DOCK9: variants seen among roughly 807,000 people sequenced by gnomAD.
DOCK9 encodes the protein dedicator of cytokinesis protein 9.
Under a neutral mutation model 263.3 loss-of-function variants are expected in DOCK9, and 89 were observed. The observed-to-expected ratio is 0.34, with a 90% CI of 0.28 to 0.40. The LOEUF (loss-of-function observed/expected upper bound fraction) is 0.40. Among genes scored for constraint, DOCK9 ranks in the 10% least tolerant of loss-of-function variants. DOCK9 has a pLI of 1.00. For synonymous variants in DOCK9, 976 were observed against 973.1 expected (o/e 1.00, Z -0.06); for missense variants, 2,140 against 2,603.4 (o/e 0.82, Z 3.87).
chr13:99,029,439 A>G (rs1234641945), intron 1 of DOCK9, among the ~76,000 whole-genome samples: 1 of 152,192 alleles, frequency 6.6e-6, no homozygotes, highest in African/African-American at 2.4e-5. Flanking sequence ...CTTTATATTT[A>G]ATTATCTCTG....
At chr13:99,045,562 A>G (rs571423715) in intron 1 of DOCK9, among the ~76,000 whole-genome samples, 1 of 152,324 alleles carries the variant, frequency 6.6e-6, no homozygotes, top group Admixed American at 6.5e-5. Context: ...TAGGGGGAAT[A>G]CAGTATAAAC....
chr13:98,979,180 A>ATAGTAG (rs56125832), upstream of DOCK9, among the ~76,000 whole-genome samples: 14,525 of 132,490 alleles, frequency 0.11, 858 homozygotes, highest in East Asian at 0.18. Flanking sequence ...AGCAGCAGCA[A>ATAGTAG]TAGTAGTAGT....
At chr13:99,071,639 G>A (rs1385063863) in intron 1 of DOCK9, among the ~76,000 whole-genome samples, 1 of 152,098 alleles carries the variant, frequency 6.6e-6, no homozygotes, top group Non-Finnish European at 1.5e-5. Context: ...GGTGGAGGGT[G>A]TGGGACAGGA....
At chr13:98,804,754 G>C (rs2090495206) in intron 49 of DOCK9, among the ~76,000 whole-genome samples, 1 of 152,230 alleles carries the variant, frequency 6.6e-6, no homozygotes, top group Non-Finnish European at 1.5e-5. Context: ...ATTCTCAGAA[G>C]GGTAAGTGAC....
At chr13:98,962,379 T>C (rs2058727726) in intron 1 of DOCK9, among the ~76,000 whole-genome samples, 1 of 152,234 alleles carries the variant, frequency 6.6e-6, no homozygotes, top group Non-Finnish European at 1.5e-5. Flanking sequence ...ATTATTTTTC[T>C]TAAAGAAAGC....
intron 1 of DOCK9, among the ~76,000 whole-genome samples, chr13:98,966,794 T>TTA (rs1166815785): frequency 1.3e-5 from 2 of 151,998 alleles, no homozygotes; most frequent in Admixed American, 1.3e-4. Context: ...GTGTTGGGAG[T>TTA]TAGAGTTTAA....
Position 98,829,748 on chromosome 13 carries a change from T to C in DOCK9, c.4644A>G (p.Ile1548Met). The C allele has an allele frequency of 1.2e-6, 2 of 1,604,800 alleles. No homozygotes were observed. The highest frequency in any genetic ancestry group is 1.1e-5 in the South Asian group (1 of 88,864). ...CGTCTGCTATCAGCTGGCTGACAGA[T>C]ATGATGACCTTAGGGACACACAAAC... ...SFVRTHLQVI[I>M]SVSQLIADVV... Residue 1548 changes from isoleucine (I) to methionine (M), a missense_variant, in exon 42 of 53, where the codon ATA (isoleucine) becomes ATG (methionine). Transcript: ENST00000682017. The surrounding 1 kb of genome is among the most constrained non-coding windows in gnomAD (Gnocchi z 4.1).
chr13:98,898,268 G>A lies in DOCK9; in HGVS notation c.1504-7C>T. ...TCAGCACCTTCTGGGCCACCTTGAA[G>A]ACATGAGAATAAAGCTATGAGATAC... On this transcript the variant is annotated splice_polypyrimidine_tract_variant and splice_region_variant and intron_variant, in intron 13 of 52. Transcript: ENST00000682017. 1.2e-6 allele frequency: 2 copies of A among 1,607,450 alleles called. No homozygotes were observed. Among genetic ancestry groups the A allele is most frequent in the South Asian group, 2.2e-5 (2 of 89,818 alleles).
chr13:98,945,007 A>G (rs2140682034), intron 2 of DOCK9, among the ~76,000 whole-genome samples: 1 of 152,358 alleles, frequency 6.6e-6, no homozygotes, highest in South Asian at 2.1e-4. Flanking sequence ...TGGTGAGCTA[A>G]GCAAGATGGT....
In DOCK9 at chr13:98,917,098, T is replaced by C. The variant is rs182149660; in HGVS notation, c.718-1595A>G. Among the ~76,000 whole-genome samples, 258 of 152,274 alleles carry C rather than the reference T, an allele frequency of 1.7e-3. 1 individual carries two copies. Among genetic ancestry groups the C allele is most frequent in the African/African-American group, 6.0e-3 (248 of 41,554 alleles). ...CATCAGCTGCATCTGCAAAGACAAT[T>C]TGAAGGAAGAGACTTCCATTGAAGT... On this transcript the variant is annotated intron_variant, in intron 7 of 52. Coordinates refer to ENST00000682017, the MANE Select transcript of DOCK9 (RefSeq NM_001366683.2).
At chr13:98,959,828 G>A (rs902763687) in intron 1 of DOCK9, among the ~76,000 whole-genome samples, 3 of 152,174 alleles carry the variant, frequency 2.0e-5, no homozygotes, top group African/African-American at 4.8e-5. Flanking sequence ...TCACACCACT[G>A]TATCTACCAA....
chr13:98,958,862 G>A (rs903884866), intron 1 of DOCK9, among the ~76,000 whole-genome samples: 3 of 152,174 alleles, frequency 2.0e-5, no homozygotes, highest in African/African-American at 4.8e-5. Flanking sequence ...TGCTTAAAAT[G>A]TTTGATAATA....
At chr13:98,833,033 A>T (rs750812786) in intron 39 of DOCK9, 10 of 152,120 alleles carry the variant, frequency 6.6e-5, no homozygotes, top group African/African-American at 1.2e-4. Context: ...CAGCTGGCAG[A>T]ACACCTGGAA....
At chr13:98,817,774 TAAAAA>T (rs34195275) in intron 45 of DOCK9, among the ~76,000 whole-genome samples, 2 of 115,396 alleles carry the variant, frequency 1.7e-5, no homozygotes, top group Admixed American at 9.0e-5. Flanking sequence ...TTATATTTGC[TAAAAA>T]AAAAAAAAAA....
chr13:98,864,063 C>A (rs1037635243), intron 30 of DOCK9, among the ~76,000 whole-genome samples: 36 of 152,254 alleles, frequency 2.4e-4, no homozygotes, highest in Admixed American at 3.3e-4. Flanking sequence ...TCCATTAAAA[C>A]CCAGTGGATT....
chr13:99,018,203 C>T (rs1378549907), intron 1 of DOCK9, among the ~76,000 whole-genome samples: 2 of 152,206 alleles, frequency 1.3e-5, no homozygotes. Flanking sequence ...ATGGACAGTG[C>T]TGGGAAGTGG....
At position 98,826,855 on chromosome 13, in the gene DOCK9, T is replaced by C; in HGVS notation, c.4998A>G (p.Leu1666=). 6.2e-7 allele frequency: 1 copy of C among 1,611,098 alleles called. No homozygotes were observed. The highest frequency in any genetic ancestry group is 8.5e-7 in the Non-Finnish European group (1 of 1,178,698). ...CTTTCCGTGTGAGATATTCTGCCACTAGGGCTGTTACGTGGACATAGCACA... is the reference window on the plus strand; with the variant it reads ...CTTTCCGTGTGAGATATTCTGCCACCAGGGCTGTTACGTGGACATAGCACA... ...AAMCYVHVTA[L]VAEYLTRKGV... The change falls in exon 44 of 53, where the codon CTA becomes CTG. Residue 1666 remains leucine (L), a synonymous_variant. Coordinates refer to ENST00000682017, the MANE Select transcript of DOCK9 (RefSeq NM_001366683.2).
rs2094082862 is a variant in DOCK9 at position 98,868,003 on chromosome 13, G to A, written c.3099C>T (p.Phe1033=). ...HSLAVFIKRC[F]TFMDRGFVFK... ...AGACAAAGCCCCTGTCCATGAAGGT[G>A]AAACATCTCTGTGGAGGAAAACAAG... Residue 1033 remains phenylalanine (F), a synonymous_variant, in exon 29 of 53, where the codon TTC becomes TTT. Coordinates refer to ENST00000682017, the MANE Select transcript of DOCK9 (RefSeq NM_001366683.2). 6.2e-7 allele frequency: 1 copy of A among 1,613,416 alleles called. No homozygotes were observed. The highest frequency in any genetic ancestry group is 8.5e-7 in the Non-Finnish European group (1 of 1,179,672).
intron 7 of DOCK9, among the ~76,000 whole-genome samples, chr13:98,920,442 G>A (rs2051753518): frequency 6.6e-6 from 1 of 152,146 alleles, no homozygotes; most frequent in African/African-American, 2.4e-5. Flanking sequence ...TTTAACAAAT[G>A]AAGAAACTGA....
Sources: allele counts gnomAD v4.1 joint callset (sites outside exome capture counted in the v4.1 genomes callset), GRCh38; gene constraint gnomAD v4.1.1; non-coding constraint Gnocchi (gnomAD v3.1); transcripts MANE v1.5; gene names NCBI Gene and HGNC (gene_info 2026-07-23, HGNC 2026-07-21).